FRMPD4: variants seen among roughly 807,000 people sequenced by gnomAD.
The protein encoded by FRMPD4 is FERM and PDZ domain-containing protein 4.
A neutral mutation model predicts 94.1 loss-of-function variants in FRMPD4; 22 were observed. The ratio of observed to expected loss-of-function variants is 0.23; its 90% CI spans 0.17 to 0.33. FRMPD4 has a LOEUF of 0.33. FRMPD4 is among the 10% of genes least tolerant of loss of function. The pLI is 1.00. For synonymous variants in FRMPD4, 631 were observed against 548.6 expected (o/e 1.15, Z -2.10); for missense variants, 1,111 against 1,339.9 (o/e 0.83, Z 2.67).
At chrX:11,845,579 A>C (rs1197616893) in intron 1 of FRMPD4, among the ~76,000 whole-genome samples, 2 of 107,919 alleles carry the variant, frequency 1.9e-5, no homozygotes, top group African/African-American at 3.4e-5. Context: ...ACAACCAAAA[A>C]AGAGAATTTT....
At chrX:12,029,251 G>T (rs1211852190) in intron 3 of FRMPD4, among the ~76,000 whole-genome samples, 1 of 112,161 alleles carries the variant, frequency 8.9e-6, no homozygotes, top group Non-Finnish European at 1.9e-5. Flanking sequence ...CTTTTCATAT[G>T]CTTATTTGCC....
intron 3 of FRMPD4, among the ~76,000 whole-genome samples, chrX:12,045,823 C>T (rs1189688307): frequency 9.0e-6 from 1 of 110,813 alleles, no homozygotes. Context: ...TGTAAATGCC[C>T]AAATTTTAGA....
chrX:12,331,792 G>GTATATATATATATTTATATACTA (rs2055398525), intron 1 of FRMPD4, among the ~76,000 whole-genome samples: 1 of 25,767 alleles, frequency 3.9e-5, no homozygotes, highest in Non-Finnish European at 5.8e-5. Flanking sequence ...TTTATATACT[G>GTATATATATATATTTATATACTA]TATATAAATT....
At chrX:12,614,443 GTGAGAACTGCATTA>G (rs1467459632) in intron 3 of FRMPD4, among the ~76,000 whole-genome samples, 2 of 110,578 alleles carry the variant, frequency 1.8e-5, no homozygotes, top group African/African-American at 3.3e-5. Flanking sequence ...CTGGGAGCTT[GTGAGAACTGCATTA>G]TCTCACCCCG....
intron 1 of FRMPD4, among the ~76,000 whole-genome samples, chrX:12,178,377 T>G (rs1436646790): frequency 8.9e-6 from 1 of 112,080 alleles, no homozygotes; most frequent in African/African-American, 3.2e-5. Flanking sequence ...TTAATTGATT[T>G]AGGTGTTCTT....
intron 2 of FRMPD4, among the ~76,000 whole-genome samples, chrX:12,563,273 C>CACACACACAT (rs759425109): frequency 1.8e-5 from 2 of 110,476 alleles, no homozygotes; most frequent in African/African-American, 6.6e-5. Flanking sequence ...CACACACACA[C>CACACACACAT]ATACCAGACC....
chrX:12,595,007 A>G (rs1210144671), intron 2 of FRMPD4, among the ~76,000 whole-genome samples: 1 of 111,985 alleles, frequency 8.9e-6, no homozygotes, highest in African/African-American at 3.2e-5. Context: ...TGAATGTGCT[A>G]ATACATATAA....
Position 12,563,273 on chromosome X carries a change from C to CAT in FRMPD4, c.159-46446_159-46445dup, listed in dbSNP as rs1555985078. ...ACACACACACACACACACACACACA[C>CAT]ATACCAGACCTCTGAATCAGAGACA... On this transcript the variant is annotated intron_variant, in intron 2 of 16. Transcript: ENST00000675598. Among the ~76,000 whole-genome samples the CAT allele has an allele frequency of 1.3e-3, 143 of 110,514 alleles. 2 individuals are homozygous for CAT. The highest frequency in any genetic ancestry group is 4.4e-3 in the African/African-American group (134 of 30,232).
chrX:12,563,456 G>T (rs751247466), intron 2 of FRMPD4, among the ~76,000 whole-genome samples: 310 of 111,572 alleles, frequency 2.8e-3, no homozygotes, highest in Non-Finnish European at 4.4e-3. Flanking sequence ...GGTGACCGCT[G>T]GTCTGAATCA....
At chrX:12,417,434 C>T (rs2056817906) in intron 1 of FRMPD4, among the ~76,000 whole-genome samples, 1 of 108,203 alleles carries the variant, frequency 9.2e-6, no homozygotes, top group African/African-American at 3.4e-5. Flanking sequence ...CAAAAATTAG[C>T]CGGGTATGGT....
chrX:12,408,118 C>T (rs1295543962), intron 1 of FRMPD4, among the ~76,000 whole-genome samples: 3 of 107,169 alleles, frequency 2.8e-5, no homozygotes, highest in Admixed American at 1.0e-4. Flanking sequence ...GATGGTGGAT[C>T]CCTATGCCAT....
At chrX:12,496,377 C>T (rs973693159) in intron 1 of FRMPD4, among the ~76,000 whole-genome samples, 1 of 112,015 alleles carries the variant, frequency 8.9e-6, no homozygotes, top group Non-Finnish European at 1.9e-5. Context: ...ATTTCTTGTT[C>T]TAATGCAGAC....
At chrX:11,928,147 GA>G (rs1282953164) in intron 3 of FRMPD4, among the ~76,000 whole-genome samples, 1 of 112,254 alleles carries the variant, frequency 8.9e-6, no homozygotes, top group African/African-American at 3.2e-5. Context: ...ATCATATGAA[GA>G]AAGCTCAACA....
At chrX:12,232,195 G>A (rs372210451) in intron 1 of FRMPD4, among the ~76,000 whole-genome samples, 5 of 111,410 alleles carry the variant, frequency 4.5e-5, no homozygotes, top group Admixed American at 9.6e-5. Flanking sequence ...CCTTCTCCCC[G>A]ATGCTTTACT....
chrX:12,601,314 T>A (rs1437465877), intron 2 of FRMPD4, among the ~76,000 whole-genome samples: 7 of 112,133 alleles, frequency 6.2e-5, no homozygotes, highest in Non-Finnish European at 9.4e-5. Context: ...CAATTCACCA[T>A]GTTATGTGAG....
intron 1 of FRMPD4, among the ~76,000 whole-genome samples, chrX:12,343,523 G>C (rs2055650002): frequency 9.0e-6 from 1 of 111,265 alleles, no homozygotes; most frequent in Admixed American, 9.5e-5. Context: ...GATGTCTAGA[G>C]GGGAAGAGAA....
intron 1 of FRMPD4, among the ~76,000 whole-genome samples, chrX:12,379,048 T>C (rs1379328506): frequency 8.9e-6 from 1 of 112,031 alleles, no homozygotes; most frequent in Non-Finnish European, 1.9e-5. Context: ...CCCTGCAAAA[T>C]GTGACTTTTG....
chrX:12,495,664 C>T (rs1478007452), intron 1 of FRMPD4, among the ~76,000 whole-genome samples: 3 of 111,439 alleles, frequency 2.7e-5, no homozygotes, highest in African/African-American at 9.8e-5. Flanking sequence ...GCTTCTCAAA[C>T]TCTCTGCTCC....
intron 4 of FRMPD4, among the ~76,000 whole-genome samples, chrX:12,617,413 T>C (rs1278283516): frequency 8.9e-6 from 1 of 112,209 alleles, no homozygotes; most frequent in African/African-American, 3.2e-5. Flanking sequence ...ACTGTCTGGC[T>C]CACAACCTTT....
Sources: allele counts gnomAD v4.1 joint callset (sites outside exome capture counted in the v4.1 genomes callset), GRCh38; gene constraint gnomAD v4.1.1; transcripts MANE v1.5; gene names NCBI Gene and HGNC (gene_info 2026-07-23, HGNC 2026-07-21).